Variants in NUP93 observed in about 807,000 individuals in gnomAD.
NUP93 encodes nuclear pore complex protein Nup93.
NUP93 carries 55 observed loss-of-function variants against 107.8 expected under a neutral mutation model. The observed-to-expected ratio is 0.51, with a 90% CI of 0.41 to 0.64. The LOEUF is 0.64. Ranked by LOEUF, NUP93 falls within the 30% of genes least tolerant of loss-of-function variation. NUP93 has a pLI of 0.00. For synonymous variants in NUP93, 390 were observed against 397.5 expected, an observed-to-expected ratio of 0.98 and a Z score of 0.22; for missense variants, 937 against 1,044.7, an observed-to-expected ratio of 0.90 and a Z score of 1.42.
intron 3 of NUP93, 42 bp from the exon 4 acceptor site, chr16:56,798,434 G>T: frequency 1.3e-6 from 2 of 1,566,948 alleles, no homozygotes; most frequent in South Asian, 2.2e-5. Flanking sequence ...TTGATTTTTT[G>T]AAAGTTAATT....
At chr16:56,827,922 C>T (rs976802869) in intron 8 of NUP93, among the ~76,000 whole-genome samples, 1 of 152,124 alleles carries the variant, frequency 6.6e-6, no homozygotes, top group Non-Finnish European at 1.5e-5. Context: ...GAGTTCGAGA[C>T]CAGCCTGGCC....
intron 3 of NUP93, among the ~76,000 whole-genome samples, chr16:56,791,830 G>A (rs1396487430): frequency 6.6e-6 from 1 of 152,192 alleles, no homozygotes; most frequent in Non-Finnish European, 1.5e-5. Context: ...TTGGACAGAT[G>A]TGTAGCATTT....
At chr16:56,782,153 G>A in intron 3 of NUP93, 1 of 985,338 alleles carries the variant, frequency 1.0e-6, no homozygotes, top group Non-Finnish European at 1.2e-6. Context: ...AGAAGGTTTG[G>A]AAGAGCTGCA....
intron 8 of NUP93, among the ~76,000 whole-genome samples, chr16:56,827,883 G>A (rs1468201762): frequency 6.6e-6 from 1 of 152,190 alleles, no homozygotes; most frequent in Admixed American, 6.5e-5. Context: ...ACTTTGGGAG[G>A]CCAAGGCGGG....
At chr16:56,842,712 C>T in intron 21 of NUP93, 1 of 406,494 alleles carries the variant, frequency 2.5e-6, no homozygotes, top group South Asian at 1.8e-5. Flanking sequence ...ACCACCACAC[C>T]CAGCGGAGTT....
intron 5 of NUP93, among the ~76,000 whole-genome samples, chr16:56,806,280 G>A (rs1963137386): frequency 6.6e-6 from 1 of 151,556 alleles, no homozygotes; most frequent in African/African-American, 2.4e-5. Flanking sequence ...TTCACATGTT[G>A]ACAAATCCAG....
chr16:56,839,874 C>G, intron 20 of NUP93: 1 of 430,618 alleles, frequency 2.3e-6, no homozygotes, highest in Non-Finnish European at 4.3e-6. Context: ...TCTGGTTGAT[C>G]TGTGAAGTCT....
intron 2 of NUP93, among the ~76,000 whole-genome samples, chr16:56,756,309 C>G (rs868703884): frequency 0.03 from 2,731 of 91,152 alleles, 80 homozygotes; most frequent in Non-Finnish European, 0.047. Flanking sequence ...CCCCCCCCCC[C>G]GACAGGCTCC....
chr16:56,780,207 G>C (rs1962488579), intron 3 of NUP93, among the ~76,000 whole-genome samples: 1 of 152,162 alleles, frequency 6.6e-6, no homozygotes, highest in Non-Finnish European at 1.5e-5. Context: ...AAGCTTGATT[G>C]TTGAATGTTA....
At chr16:56,776,806 G>A (rs1387664076) in intron 3 of NUP93, among the ~76,000 whole-genome samples, 2 of 152,216 alleles carry the variant, frequency 1.3e-5, no homozygotes, top group Non-Finnish European at 2.9e-5. Context: ...GCCAGGTCTT[G>A]GCCCAAAGCC....
rs565447777 is a variant in NUP93 at position 56,776,936 on chromosome 16, A to T, written c.297+18281A>T. Among the ~76,000 whole-genome samples, 23 of 152,358 alleles carry T rather than the reference A, an allele frequency of 1.5e-4. No homozygotes were observed. In the South Asian group the frequency reaches 4.6e-3, roughly 30 times the overall value. ...TTTTACTGTGGTAGAACTTCTTCACATATTCTGCAAGTTCTTGCTGAAAGT... is the reference window on the plus strand; with the variant it reads ...TTTTACTGTGGTAGAACTTCTTCACTTATTCTGCAAGTTCTTGCTGAAAGT... On this transcript the variant is annotated intron_variant, in intron 3 of 21. Coordinates refer to ENST00000308159, the MANE Select transcript of NUP93 (RefSeq NM_014669.5).
At chr16:56,831,178 A>G (rs1402473129) in intron 10 of NUP93, among the ~76,000 whole-genome samples, 1 of 152,242 alleles carries the variant, frequency 6.6e-6, no homozygotes, top group Non-Finnish European at 1.5e-5. Flanking sequence ...GCATTAAGGA[A>G]CTGCTAAGCA....
chr16:56,831,394 A>G (rs1257810254), intron 10 of NUP93: 1 of 155,734 alleles, frequency 6.4e-6, no homozygotes, highest in Admixed American at 6.3e-5. Context: ...CTCATGTTAG[A>G]ATTTAAAGTA....
At chr16:56,840,586 A>G (rs1964004136) in intron 20 of NUP93, among the ~76,000 whole-genome samples, 1 of 152,234 alleles carries the variant, frequency 6.6e-6, no homozygotes, top group Admixed American at 6.5e-5. Flanking sequence ...CTCTAGAACT[A>G]TAAACACTCA....
At chr16:56,837,515 A>G in intron 17 of NUP93, 93 bp from the exon 18 acceptor site, 1 of 1,012,756 alleles carries the variant, frequency 9.9e-7, no homozygotes, top group South Asian at 1.4e-5. Flanking sequence ...GTCACCCCAG[A>G]AAGTTCTCTT....
At chr16:56,833,190 T>C in intron 12 of NUP93, 25 bp from the exon 13 acceptor site, 3 of 1,536,342 alleles carry the variant, frequency 2.0e-6, no homozygotes, top group Non-Finnish European at 2.6e-6. Context: ...GTTGGTTTTA[T>C]CTCCTCTCCT....
intron 5 of NUP93, among the ~76,000 whole-genome samples, chr16:56,815,767 C>T (rs553742910): frequency 1.3e-5 from 2 of 152,248 alleles, no homozygotes; most frequent in African/African-American, 2.4e-5. Context: ...ATTACCACCC[C>T]CACTTTACAG....
At position 56,837,704 on chromosome 16, in the gene NUP93, A is replaced by C. The variant is rs576474597; in HGVS notation, c.1996A>C (p.Met666Leu). The change falls in exon 18 of 22, where the codon ATG (methionine) becomes CTG (leucine). Residue 666 changes from methionine to leucine, a missense_variant. Coordinates refer to ENST00000308159, the MANE Select transcript of NUP93 (RefSeq NM_014669.5). The part of the protein sequence containing the change: ...PQSNKERLKN[M>L]ALSIAERYRA... ...ATCCAACAAGGAGAGGCTGAAGAACATGGCACTCTCCATTGCCGAACGGTA... is the reference window on the plus strand; with the variant it reads ...ATCCAACAAGGAGAGGCTGAAGAACCTGGCACTCTCCATTGCCGAACGGTA... 2 of 1,613,876 alleles carry C rather than the reference A, an allele frequency of 1.2e-6. No homozygotes were observed. Among genetic ancestry groups the C allele is most frequent in the African/African-American group, 1.3e-5 (1 of 74,942 alleles).
intron 5 of NUP93, among the ~76,000 whole-genome samples, chr16:56,815,625 G>C (rs1467268211): frequency 6.6e-6 from 1 of 152,198 alleles, no homozygotes; most frequent in Non-Finnish European, 1.5e-5. Flanking sequence ...ATAACAGCTA[G>C]TGTTTATTGA....
Sources: gnomAD v4.1 joint callset for allele counts (sites outside exome capture counted in the v4.1 genomes callset) on GRCh38, gnomAD v4.1.1 for gene constraint, MANE v1.5 for transcripts, NCBI Gene and HGNC (gene_info 2026-07-23, HGNC 2026-07-21) for gene names.